The following RFC3 variants were observed in gnomAD, a reference collection of about 807,000 sequenced individuals.
The protein encoded by RFC3 is replication factor C subunit 3, also known as A1 38 kDa subunit.
A neutral mutation model predicts 45.1 loss-of-function variants in RFC3; 41 were observed. That is an observed-to-expected ratio of 0.91 (90% CI 0.71 to 1.18). The LOEUF is 1.18. Ranked by LOEUF, RFC3 falls within the 50% of genes most tolerant of loss-of-function variation. The probability of loss-of-function intolerance (pLI) is 0.00; values close to 1 mark genes in which losing one functional copy is unlikely to be tolerated. For synonymous variants in RFC3, 149 were observed against 144.0 expected, an observed-to-expected ratio of 1.03 and a Z score of -0.25; for missense variants, 423 against 428.1, an observed-to-expected ratio of 0.99 and a Z score of 0.10.
At chr13:33,840,035 A>G (rs188887658), downstream of RFC3, among the ~76,000 whole-genome samples, 20 of 151,978 alleles carry the variant, frequency 1.3e-4, no homozygotes, top group African/African-American at 4.8e-4. Flanking sequence ...AAGATTTCCA[A>G]CTTCTCTTTA....
chr13:33,891,440 A>G (rs928596438), intron 8 of RFC3, among the ~76,000 whole-genome samples: 3 of 152,204 alleles, frequency 2.0e-5, no homozygotes, highest in African/African-American at 7.2e-5. Context: ...CTTCACATGG[A>G]TGCTTAAGAA....
intron 8 of RFC3, among the ~76,000 whole-genome samples, chr13:33,952,380 A>G (rs1337096133): frequency 6.6e-6 from 1 of 152,230 alleles, no homozygotes; most frequent in Non-Finnish European, 1.5e-5. Flanking sequence ...CCAGAACCAT[A>G]TAATGTGTAG....
chr13:33,945,177 A>T (rs183849905), intron 8 of RFC3, among the ~76,000 whole-genome samples: 22 of 152,192 alleles, frequency 1.4e-4, no homozygotes, highest in African/African-American at 4.8e-4. Context: ...CTTTCATACT[A>T]TTATTTCCAT....
chr13:33,904,309 CT>C (rs1337555550), intron 8 of RFC3, among the ~76,000 whole-genome samples: 1 of 151,866 alleles, frequency 6.6e-6, no homozygotes, highest in Non-Finnish European at 1.5e-5. Flanking sequence ...CTGTTTTTTT[CT>C]TCCTAATGGC....
At chr13:33,929,201 A>G (rs1461044463) in intron 8 of RFC3, among the ~76,000 whole-genome samples, 1 of 152,094 alleles carries the variant, frequency 6.6e-6, no homozygotes, top group African/African-American at 2.4e-5. Flanking sequence ...AAATTATCCT[A>G]GAGAGTTGAT....
intron 8 of RFC3, among the ~76,000 whole-genome samples, chr13:33,893,969 C>A (rs977305209): frequency 6.6e-6 from 1 of 151,712 alleles, no homozygotes; most frequent in Admixed American, 6.6e-5. Flanking sequence ...AGGAAAAAAA[C>A]AAACAAACAA....
chr13:33,924,126 A>G (rs1488002621), intron 8 of RFC3, among the ~76,000 whole-genome samples: 1 of 152,164 alleles, frequency 6.6e-6, no homozygotes, highest in African/African-American at 2.4e-5. Flanking sequence ...GTGCTTACAG[A>G]CCTAAACTCT....
Position 33,837,438 on chromosome 13 carries a change from C to T in RFC3, c.*1143C>T, listed in dbSNP as rs2082165821. ...TATACTTTTAAAGCCTATTCACTTG[C>T]TGATGGATCTTTGGTTTGTTTCCAG... On this transcript the variant is annotated 3_prime_UTR_variant, in exon 9 of 9. Coordinates refer to ENST00000380071, the MANE Select transcript of RFC3 (RefSeq NM_002915.4). 6.6e-6 allele frequency: 1 copy of T among 152,094 alleles called. No individual in the cohort carries two copies. The allele number at this position is 152,094 out of a possible 1,614,324, so 9.4% of individuals were successfully genotyped here.
intron 8 of RFC3, among the ~76,000 whole-genome samples, chr13:33,949,294 TAA>T (rs2082974102): frequency 6.6e-6 from 1 of 152,158 alleles, no homozygotes; most frequent in Non-Finnish European, 1.5e-5. Flanking sequence ...GCCATAATTG[TAA>T]GTTTCCTGAG....
intron 8 of RFC3, among the ~76,000 whole-genome samples, chr13:33,933,479 A>G (rs1240674797): frequency 6.6e-6 from 1 of 152,098 alleles, no homozygotes; most frequent in African/African-American, 2.4e-5. Context: ...ATTTCCTTTA[A>G]CTGTGATGTT....
chr13:33,829,967 A>G lies in RFC3; in HGVS notation c.523A>G (p.Ile175Val). 2 of 1,614,166 alleles carry G rather than the reference A, an allele frequency of 1.2e-6. No individual in the cohort carries two copies. The highest frequency in any genetic ancestry group is 8.5e-7 in the Non-Finnish European group (1 of 1,179,990). Residue 175 changes from isoleucine to valine, a missense_variant, in exon 5 of 9, where the codon ATT becomes GTT. By Grantham distance (29) the Ile-to-Val change is conservative (BLOSUM62 3). Transcript: ENST00000380071. ...TTCTACATCTAAAGTGATCCCACCT[A>G]TTCGTAGTAGGTGCTTGGCGGTTCG... ...CNSTSKVIPP[I>V]RSRCLAVRVP...
intron 8 of RFC3, among the ~76,000 whole-genome samples, chr13:33,905,470 C>T (rs1273685248): frequency 6.6e-6 from 1 of 151,742 alleles, no homozygotes; most frequent in Non-Finnish European, 1.5e-5. Context: ...AAAATCTAAG[C>T]CTGAAAGACC....
rs1262919185 is a variant in RFC3 at position 33,850,881 on chromosome 13, T to C, written c.879+15664T>C. The stretch of plus-strand genomic sequence containing the variant: ...TTTGAAAGGAAGTCAATAAGCTTAA[T>C]ATACATTGATCAAAATTAGAAAACA... On this transcript the variant is annotated intron_variant, in intron 8 of 8. Transcript: ENST00000434425. 6 of 152,224 alleles carry C rather than the reference T, an allele frequency of 3.9e-5. No individual in the cohort carries two copies. In the East Asian group the frequency reaches 9.6e-4, roughly 24 times the overall value. 9.4% of individuals were successfully genotyped at this position (152,224 alleles called of 1,614,324 possible). A position where few individuals can be genotyped will look rare whatever the true frequency, so the allele number is the denominator to read the frequency against.
intron 5 of RFC3, 45 bp downstream of exon 5, chr13:33,830,062 C>A: frequency 4.0e-6 from 6 of 1,492,012 alleles, no homozygotes; most frequent in South Asian, 1.1e-5. Context: ...AGTTCAGATT[C>A]TCTGAATATT....
At chr13:33,948,321 A>G (rs1265371359) in intron 8 of RFC3, among the ~76,000 whole-genome samples, 1 of 152,212 alleles carries the variant, frequency 6.6e-6, no homozygotes, top group Non-Finnish European at 1.5e-5. Flanking sequence ...CTGTGGGTGC[A>G]CAGAAGTCAA....
chr13:33,826,068 A>G (rs1259250306), intron 4 of RFC3, among the ~76,000 whole-genome samples, 182 bp downstream of exon 4: 1 of 152,164 alleles, frequency 6.6e-6, no homozygotes, highest in Non-Finnish European at 1.5e-5. Flanking sequence ...ATATTTTAGA[A>G]CAAGATGAAT....
At chr13:33,854,655 G>C (rs767745721) in intron 8 of RFC3, among the ~76,000 whole-genome samples, 1 of 152,144 alleles carries the variant, frequency 6.6e-6, no homozygotes, top group Non-Finnish European at 1.5e-5. Context: ...GCCCCTGAGA[G>C]ATGGTGCAGG....
At chr13:33,824,620 A>G (rs1182140990) in intron 3 of RFC3, among the ~76,000 whole-genome samples, 3 of 152,116 alleles carry the variant, frequency 2.0e-5, no homozygotes, top group Non-Finnish European at 4.4e-5. Context: ...ATTGTCAGTC[A>G]TATTCAACAT....
rs556899240 is a variant in RFC3 at position 33,863,236 on chromosome 13, G to A, written c.879+28019G>A. On this transcript the variant is annotated intron_variant, in intron 8 of 8. Coordinates refer to the RFC3 transcript ENST00000434425. ...AACAATACATACATATATACACAAT[G>A]CACATATGCAGATATGAATCTCATG... 4.6e-5 allele frequency among the ~76,000 whole-genome samples: 7 copies of A among 152,034 alleles called. No individual in the cohort carries two copies. The South Asian group carries it at 1.5e-3, about 32-fold the overall frequency.
Sources: allele counts gnomAD v4.1 joint callset (sites outside exome capture counted in the v4.1 genomes callset), GRCh38; gene constraint gnomAD v4.1.1; transcripts MANE v1.5; gene names NCBI Gene and HGNC (gene_info 2026-07-23, HGNC 2026-07-21).